The following TBCEL variants were observed in gnomAD, a reference collection of about 807,000 sequenced individuals.
TBCEL encodes the protein tubulin-specific chaperone cofactor E-like protein.
Under a neutral mutation model 44.2 loss-of-function variants are expected in TBCEL, and 15 were observed. The ratio of observed to expected loss-of-function variants is 0.34; its 90% CI spans 0.23 to 0.52. The LOEUF is 0.52. Among genes scored for constraint, TBCEL ranks in the 20% least tolerant of loss-of-function variants. TBCEL has a pLI of 0.95. For missense variants in TBCEL, 319 were observed against 506.3 expected, an observed-to-expected ratio of 0.63 and a Z score of 3.55; for synonymous variants, 171 against 185.4, an observed-to-expected ratio of 0.92 and a Z score of 0.63.
intron 8 of TBCEL, among the ~76,000 whole-genome samples, chr11:121,083,356 T>G (rs1054458139): frequency 6.6e-6 from 1 of 152,158 alleles, no homozygotes; most frequent in Non-Finnish European, 1.5e-5. Context: ...GAGAAAGAAA[T>G]AAGAATGACT....
At position 121,053,586 on chromosome 11, in the gene TBCEL, G is replaced by A. The variant is rs1490992640; in HGVS notation, c.309G>A (p.Glu103=). The stretch of plus-strand genomic sequence containing the variant: ...TTGTGTCAAATGTTCCTCAGTTGGA[G>A]TTTCTAAACCTGAGTTCCAACCCTC... ...SKIVSNVPQL[E]FLNLSSNPLN... is the part of the protein sequence containing the mutation. Residue 103 remains glutamate (E), a synonymous_variant, in exon 5 of 9, where the codon GAG becomes GAA. Transcript: ENST00000683345. The A allele has an allele frequency of 6.2e-7, 1 of 1,612,032 alleles. No individual in the cohort carries two copies. Among genetic ancestry groups the A allele is most frequent in the Non-Finnish European group, 8.5e-7 (1 of 1,178,848 alleles).
chr11:121,062,807 C>T (rs998424660), intron 8 of TBCEL, among the ~76,000 whole-genome samples: 1 of 152,110 alleles, frequency 6.6e-6, no homozygotes, highest in Non-Finnish European at 1.5e-5. Context: ...AGGATAGATA[C>T]AGTTTGAACT....
intron 2 of TBCEL, among the ~76,000 whole-genome samples, chr11:121,041,081 G>T (rs1258286219): frequency 1.3e-5 from 2 of 152,104 alleles, no homozygotes; most frequent in Non-Finnish European, 2.9e-5. Context: ...ACTACTCTAC[G>T]CTGTTTCTTT....
intron 1 of TBCEL, chr11:121,035,103 A>G (rs910599282): frequency 2.0e-5 from 3 of 152,240 alleles, no homozygotes; most frequent in Admixed American, 2.0e-4. Flanking sequence ...TCACGCTGCC[A>G]TGTTCACTAA....
At chr11:121,064,027 G>C (rs1330911818) in intron 8 of TBCEL, among the ~76,000 whole-genome samples, 1 of 152,208 alleles carries the variant, frequency 6.6e-6, no homozygotes, top group Non-Finnish European at 1.5e-5. Context: ...AGTGGGGCTT[G>C]TGGGTAGGGG....
chr11:121,063,424 A>G (rs1248918416), intron 8 of TBCEL, among the ~76,000 whole-genome samples: 1 of 152,192 alleles, frequency 6.6e-6, no homozygotes, highest in Non-Finnish European at 1.5e-5. Context: ...TCCTTAAATG[A>G]CATAACCTAA....
chr11:121,035,256 A>G (rs1945210578), intron 1 of TBCEL: 1 of 152,150 alleles, frequency 6.6e-6, no homozygotes. Context: ...CCTATGAGCT[A>G]GGAGTTACAG....
At chr11:121,034,456 C>T (rs1591379920) in intron 1 of TBCEL, among the ~76,000 whole-genome samples, 1 of 152,114 alleles carries the variant, frequency 6.6e-6, no homozygotes, top group Non-Finnish European at 1.5e-5. Flanking sequence ...ATTATGTATT[C>T]TAGCCGTAGC....
intron 8 of TBCEL, among the ~76,000 whole-genome samples, chr11:121,072,843 G>C (rs1389967107): frequency 6.6e-6 from 1 of 151,968 alleles, no homozygotes; most frequent in Admixed American, 6.6e-5. Flanking sequence ...TTATATTTAT[G>C]ACTTAAATCT....
At position 121,089,449 on chromosome 11, in the gene TBCEL, G is replaced by A. The variant is rs1330291641; in HGVS notation, c.*2353G>A. On this transcript the variant is annotated 3_prime_UTR_variant, in exon 9 of 9. Coordinates refer to ENST00000683345, the MANE Select transcript of TBCEL (RefSeq NM_001363644.2). ...ATTGTAATTGATGGTTTTAATAATTGCTGAATAATTTTTGATTAAGAGAAA... is the reference window on the plus strand; with the variant it reads ...ATTGTAATTGATGGTTTTAATAATTACTGAATAATTTTTGATTAAGAGAAA... The A allele has an allele frequency of 1.3e-5, 2 of 152,228 alleles. No homozygotes were observed. Among genetic ancestry groups the A allele is most frequent in the East Asian group, 3.9e-4 (2 of 5,188 alleles). 9.4% of individuals were successfully genotyped at this position (152,228 alleles called of 1,614,324 possible).
Position 121,047,553 on chromosome 11 carries a change from A to T in TBCEL, c.159A>T (p.Leu53=). ...MKDRLNLPSV[L]VLNSCGITCA... Reference sequence around the variant, plus strand: ...ATCGCCTCAACCTCCCAAGTGTACTAGTGTTGAACAGCTGTGGAATAACCT... The same window carrying T: ...ATCGCCTCAACCTCCCAAGTGTACTTGTGTTGAACAGCTGTGGAATAACCT... Residue 53 remains leucine (L), a synonymous_variant, in exon 4 of 9, where the codon CTA becomes CTT. Coordinates refer to ENST00000683345, the MANE Select transcript of TBCEL (RefSeq NM_001363644.2). The T allele has an allele frequency of 6.2e-7, 1 of 1,612,566 alleles. No homozygotes were observed. Among genetic ancestry groups the T allele is most frequent in the Non-Finnish European group, 8.5e-7 (1 of 1,179,008 alleles).
intron 1 of TBCEL, among the ~76,000 whole-genome samples, chr11:121,032,116 G>A (rs1414073029): frequency 6.6e-6 from 1 of 152,120 alleles, no homozygotes; most frequent in Non-Finnish European, 1.5e-5. Flanking sequence ...TATTTTATGT[G>A]GAGGTGAATT....
chr11:121,041,497 C>T (rs1394610353), intron 2 of TBCEL, among the ~76,000 whole-genome samples: 1 of 152,130 alleles, frequency 6.6e-6, no homozygotes, highest in Non-Finnish European at 1.5e-5. Context: ...CACCAAAGAT[C>T]CCTGGCTCTC....
intron 1 of TBCEL, among the ~76,000 whole-genome samples, chr11:121,028,771 T>C (rs1191498882): frequency 2.0e-5 from 3 of 152,200 alleles, no homozygotes; most frequent in Non-Finnish European, 4.4e-5. Context: ...TCATATGGTT[T>C]TAAGAACTAA....
intron 8 of TBCEL, among the ~76,000 whole-genome samples, chr11:121,064,479 G>A (rs1437226884): frequency 2.0e-5 from 3 of 152,146 alleles, no homozygotes; most frequent in African/African-American, 7.2e-5. Flanking sequence ...GGACCAATTA[G>A]CTATTGGAAA....
chr11:121,077,576 G>A (rs1946054798), intron 8 of TBCEL, among the ~76,000 whole-genome samples: 1 of 151,882 alleles, frequency 6.6e-6, no homozygotes, highest in South Asian at 2.1e-4. Context: ...ACCAGCTTCG[G>A]GTGTTATGAG....
At chr11:121,025,649 A>G (rs1945032273) in intron 1 of TBCEL, among the ~76,000 whole-genome samples, 1 of 151,852 alleles carries the variant, frequency 6.6e-6, no homozygotes, top group African/African-American at 2.4e-5. Context: ...AAGCACATTT[A>G]TTTGGTGTCA....
chr11:121,053,759 G>A (rs774239569), intron 5 of TBCEL, 27 bp downstream of exon 5: 3 of 1,607,628 alleles, frequency 1.9e-6, no homozygotes, highest in Non-Finnish European at 2.6e-6. Flanking sequence ...TGAGGGCGAG[G>A]GAGTTATGTT....
chr11:121,057,080 G>A (rs12797404), intron 6 of TBCEL, among the ~76,000 whole-genome samples: 15,890 of 151,744 alleles, frequency 0.1, 937 homozygotes, highest in Middle Eastern at 0.16. Context: ...TTAAAATCCA[G>A]TGTTTTGCAT....
Sources: allele counts gnomAD v4.1 joint callset (sites outside exome capture counted in the v4.1 genomes callset), GRCh38; gene constraint gnomAD v4.1.1; transcripts MANE v1.5; gene names NCBI Gene and HGNC (gene_info 2026-07-23, HGNC 2026-07-21).